Variants in EFL1 observed in about 807,000 individuals in gnomAD.
EFL1 encodes elongation factor-like GTPase 1.
Under a neutral mutation model 126.7 loss-of-function variants are expected in EFL1, and 76 were observed. The ratio of observed to expected loss-of-function variants is 0.60; its 90% confidence interval spans 0.50 to 0.73. The LOEUF (loss-of-function observed/expected upper bound fraction) is 0.73, where lower values mean the gene tolerates loss of function less well. Ranked by LOEUF, EFL1 falls within the 30% of genes least tolerant of loss-of-function variation. EFL1 has a pLI of 0.00. For missense variants in EFL1, 1,128 were observed against 1,343.2 expected (o/e 0.84, Z 2.50); for synonymous variants, 410 against 448.4 (o/e 0.91, Z 1.08).
At chr15:82,164,623 T>A (rs1413087842) in intron 15 of EFL1, among the ~76,000 whole-genome samples, 2 of 152,078 alleles carry the variant, frequency 1.3e-5, no homozygotes, top group African/African-American at 4.8e-5. Flanking sequence ...AGGGGCCAGG[T>A]GCAGTGGCTC....
chr15:82,249,275 A>C (rs1476400435), intron 4 of EFL1, among the ~76,000 whole-genome samples: 1 of 151,742 alleles, frequency 6.6e-6, no homozygotes, highest in African/African-American at 2.4e-5. Flanking sequence ...CCATCGCTAC[A>C]AAACATTTGA....
chr15:82,194,589 G>A (rs2074390739), intron 15 of EFL1, among the ~76,000 whole-genome samples: 1 of 152,104 alleles, frequency 6.6e-6, no homozygotes, highest in Non-Finnish European at 1.5e-5. Flanking sequence ...AAATAATCAA[G>A]GACAGAATAT....
rs72749579 is a variant in EFL1, at chr15:82,217,191, T to G, written c.1612-2336A>C. 7.1e-3 allele frequency among the ~76,000 whole-genome samples: 1,072 copies of G among 152,040 alleles called. 10 individuals are homozygous for G. The highest frequency in any genetic ancestry group is 8.3e-3 in the Non-Finnish European group (562 of 67,928). ...TTTTGGTGAGCATGTGGAACAACTG[T>G]AACTGTTAAACACTCCTATTGGGAG... On this transcript the variant is annotated intron_variant, in intron 14 of 19. Transcript: ENST00000268206.
intron 15 of EFL1, among the ~76,000 whole-genome samples, chr15:82,193,096 G>A (rs1162954849): frequency 6.6e-6 from 1 of 152,132 alleles, no homozygotes; most frequent in East Asian, 1.9e-4. Flanking sequence ...AGCTAAATTT[G>A]TTAACAAAGA....
chr15:82,136,506 G>C (rs1044640707), intron 19 of EFL1, among the ~76,000 whole-genome samples: 1 of 152,272 alleles, frequency 6.6e-6, no homozygotes, highest in Admixed American at 6.5e-5. Flanking sequence ...AATCTCTCTG[G>C]TTCTAAATAT....
intron 3 of EFL1, among the ~76,000 whole-genome samples, chr15:82,254,355 T>C (rs2075049016): frequency 6.6e-6 from 1 of 152,166 alleles, no homozygotes; most frequent in African/African-American, 2.4e-5. Context: ...CTCAGTCCCT[T>C]GTCAGTTTTC....
intron 19 of EFL1, among the ~76,000 whole-genome samples, chr15:82,132,996 G>A (rs915131764): frequency 1.2e-4 from 18 of 152,120 alleles, no homozygotes; most frequent in African/African-American, 4.3e-4. Context: ...AGGAGGAAGG[G>A]AGGGAAAGTG....
intron 15 of EFL1, among the ~76,000 whole-genome samples, chr15:82,195,026 T>C (rs2074395288): frequency 6.6e-6 from 1 of 152,238 alleles, no homozygotes; most frequent in Admixed American, 6.5e-5. Context: ...TCAATATCAA[T>C]ACATTCAAAT....
At chr15:82,204,319 A>C (rs531633203) in intron 15 of EFL1, among the ~76,000 whole-genome samples, 1 of 152,294 alleles carries the variant, frequency 6.6e-6, no homozygotes, top group East Asian at 1.9e-4. Flanking sequence ...TTACTGTTAT[A>C]ACTGAAAATC....
intron 16 of EFL1, among the ~76,000 whole-genome samples, chr15:82,161,077 T>G (rs2074018760): frequency 6.6e-6 from 1 of 152,090 alleles, no homozygotes; most frequent in Non-Finnish European, 1.5e-5. Flanking sequence ...TGACCCCCAC[T>G]TGGGAAATTA....
intron 18 of EFL1, among the ~76,000 whole-genome samples, chr15:82,149,097 C>A (rs1194566915): frequency 6.6e-6 from 1 of 151,546 alleles, no homozygotes; most frequent in Non-Finnish European, 1.5e-5. Flanking sequence ...CAGACAAGGA[C>A]ACATGAAAAA....
chr15:82,250,028 A>C (rs886778420), intron 4 of EFL1, among the ~76,000 whole-genome samples: 1 of 152,088 alleles, frequency 6.6e-6, no homozygotes, highest in Non-Finnish European at 1.5e-5. Flanking sequence ...GGGCATTCGA[A>C]GTGGGTGAGA....
intron 18 of EFL1, among the ~76,000 whole-genome samples, chr15:82,146,621 A>G (rs1218903930): frequency 1.3e-5 from 2 of 151,962 alleles, no homozygotes; most frequent in Admixed American, 6.6e-5. Flanking sequence ...AAAAAAAAAA[A>G]AAAAAAGCCA....
At chr15:82,154,238 T>G (rs1000928369) in intron 17 of EFL1, among the ~76,000 whole-genome samples, 2 of 152,172 alleles carry the variant, frequency 1.3e-5, no homozygotes, top group African/African-American at 4.8e-5. Flanking sequence ...CTAAAAAAAG[T>G]GCGGTAGGCT....
At chr15:82,260,150 T>C (rs1242883212) in intron 2 of EFL1, among the ~76,000 whole-genome samples, 2 of 152,172 alleles carry the variant, frequency 1.3e-5, no homozygotes, top group Non-Finnish European at 2.9e-5. Context: ...TTTTTTAGGA[T>C]AGTAGCAGCT....
intron 15 of EFL1, among the ~76,000 whole-genome samples, chr15:82,177,696 T>C (rs1226556765): frequency 1.7e-4 from 26 of 152,184 alleles, no homozygotes; most frequent in Non-Finnish European, 1.5e-5. Context: ...ACCACATGCT[T>C]CTCTACTGCT....
chr15:82,262,296 T>C (rs2075133046), intron 1 of EFL1: 1 of 155,312 alleles, frequency 6.4e-6, no homozygotes, highest in South Asian at 2.0e-4. Flanking sequence ...AACAAAGTTT[T>C]GGGTCACGTG....
chr15:82,192,602 A>G (rs931255043), intron 15 of EFL1, among the ~76,000 whole-genome samples: 1 of 152,210 alleles, frequency 6.6e-6, no homozygotes, highest in Non-Finnish European at 1.5e-5. Flanking sequence ...GAGCTTTAAT[A>G]AACATTACAT....
intron 19 of EFL1, among the ~76,000 whole-genome samples, chr15:82,134,135 A>G (rs2073693555): frequency 6.6e-6 from 1 of 152,116 alleles, no homozygotes; most frequent in Non-Finnish European, 1.5e-5. Flanking sequence ...CTGTATGAAG[A>G]CATCTTCACT....
Sources: gnomAD v4.1 joint callset for allele counts (sites outside exome capture counted in the v4.1 genomes callset) on GRCh38, gnomAD v4.1.1 for gene constraint, MANE v1.5 for transcripts, NCBI Gene and HGNC (gene_info 2026-07-23, HGNC 2026-07-21) for gene names.